Variants in ZDHHC1 observed in about 807,000 individuals in gnomAD.
ZDHHC1 encodes the protein palmitoyltransferase ZDHHC1.
ZDHHC1 carries 45 observed loss-of-function variants against 46.9 expected under a neutral mutation model. The observed-to-expected ratio is 0.96, with a 90% CI of 0.76 to 1.23. ZDHHC1 has a LOEUF of 1.23. Ranked by LOEUF, ZDHHC1 falls within the 50% of genes most tolerant of loss-of-function variation. The pLI is 0.00. For missense variants in ZDHHC1, 649 were observed against 670.8 expected (o/e 0.97, Z 0.36); for synonymous variants, 291 against 286.0 (o/e 1.02, Z -0.18).
chr16:67,412,229 G>A (rs1165879616), intron 1 of ZDHHC1, among the ~76,000 whole-genome samples: 4 of 152,044 alleles, frequency 2.6e-5, no homozygotes, highest in Non-Finnish European at 5.9e-5. Flanking sequence ...CTAGGAATGA[G>A]ACCTAGTGGT....
At position 67,406,062 on chromosome 16, in the gene ZDHHC1, C is replaced by T. The variant is rs965319839; in HGVS notation, c.252+138G>A. ...GAGACAGGCTGGGAAGCAGCAAGTC[C>T]CCAGGACTGGGCCCACCCTGCTCCA... On this transcript the variant is annotated intron_variant, in intron 3 of 11. Coordinates refer to ENST00000565726, the MANE Select transcript of ZDHHC1 (RefSeq NM_001323627.2). This position sits in a 1 kb window ranked among gnomAD's most constrained non-coding sequence, Gnocchi z 4.1. 4 of 1,334,148 alleles carry T rather than the reference C, an allele frequency of 3.0e-6. No individual in the cohort carries two copies. The highest frequency in any genetic ancestry group is 3.1e-5 in the Admixed American group (1 of 31,974). 82.6% of individuals were successfully genotyped at this position (1,334,148 alleles called of 1,614,324 possible). A position where few individuals can be genotyped will look rare whatever the true frequency, so the allele number is the denominator to read the frequency against.
chr16:67,399,604 C>T (rs1597536499), intron 4 of ZDHHC1, 148 bp from the exon 5 acceptor site: 1 of 605,082 alleles, frequency 1.7e-6, no homozygotes, highest in East Asian at 3.2e-5. Context: ...CGCGCGCGCC[C>T]TCTGCAGGCG....
intron 5 of ZDHHC1, 96 bp from the exon 6 acceptor site, chr16:67,399,040 A>G (rs549801855): frequency 1.4e-6 from 2 of 1,469,768 alleles, no homozygotes; most frequent in African/African-American, 2.8e-5. Flanking sequence ...ATGGGCTCAG[A>G]GGGCTGAGGG....
chr16:67,394,920 C>A, intron 11 of ZDHHC1, 27 bp from the exon 12 acceptor site: 1 of 1,569,126 alleles, frequency 6.4e-7, no homozygotes, highest in East Asian at 2.3e-5. Context: ...AACATGAGCC[C>A]AGTGGCTGCG....
chr16:67,411,840 C>T (rs1028932034), intron 1 of ZDHHC1, among the ~76,000 whole-genome samples: 2 of 152,174 alleles, frequency 1.3e-5, no homozygotes, highest in Admixed American at 6.5e-5. Context: ...GGGCCGGGCG[C>T]GGTGGCTCAC....
At chr16:67,397,355 C>G (rs538056669) in intron 8 of ZDHHC1, among the ~76,000 whole-genome samples, 2 of 152,350 alleles carry the variant, frequency 1.3e-5, no homozygotes, top group South Asian at 2.1e-4. Context: ...GAGCCCAGCA[C>G]TGGGGCAGGT....
rs573935339 is a variant in ZDHHC1, at chr16:67,406,278, C to A, written c.174G>T (p.Leu58=). ...PHPLQIVAWL[L]YLFFAVIGFG... ...AGCCGATCACAGCAAAGAAGAGGTA[C>A]AGCAGCCAGGCCACAATCTGGAGCG... is the stretch of plus-strand genomic sequence containing the variant. Residue 58 remains leucine (L), a synonymous_variant, in exon 3 of 12, where the codon CTG becomes CTT. Transcript: ENST00000565726. The surrounding 1 kb of genome is among the most constrained non-coding windows in gnomAD (Gnocchi z 4.1). The A allele has an allele frequency of 6.2e-7, 1 of 1,610,742 alleles. No individual in the cohort carries two copies. Among genetic ancestry groups the A allele is most frequent in the Non-Finnish European group, 8.5e-7 (1 of 1,178,784 alleles).
At chr16:67,397,577 C>G in intron 8 of ZDHHC1, among the ~76,000 whole-genome samples, 1 of 152,192 alleles carries the variant, frequency 6.6e-6, no homozygotes, top group South Asian at 2.1e-4. Flanking sequence ...AGCCTTCCCC[C>G]AGCAAAGCCT....
rs993845660 is a variant in ZDHHC1, at chr16:67,401,994, A to G, written c.253-862T>C. On this transcript the variant is annotated intron_variant, in intron 3 of 11. Transcript: ENST00000565726. This position sits in a 1 kb window ranked among gnomAD's most constrained non-coding sequence, Gnocchi z 4.6. ...ATCATCCCTCCATCATTCATGCTCT[A>G]CCCATCATCCATCTGCCATCCTTCA... 6.6e-6 allele frequency among the ~76,000 whole-genome samples: 1 copy of G among 152,046 alleles called. No homozygotes were observed. Among genetic ancestry groups the G allele is most frequent in the African/African-American group, 2.4e-5 (1 of 41,380 alleles).
chr16:67,413,209 C>G (rs574341226), intron 1 of ZDHHC1, among the ~76,000 whole-genome samples: 1 of 151,910 alleles, frequency 6.6e-6, no homozygotes, highest in Non-Finnish European at 1.5e-5. Flanking sequence ...CCTCCCAAAG[C>G]GCTGGGATTA....
chr16:67,394,797 G>GA lies in ZDHHC1; in HGVS notation c.1261_1262insT (p.Ala421ValfsTer78). The GA allele has an allele frequency of 3.3e-6, 5 of 1,536,310 alleles. No individual in the cohort carries two copies. The Admixed American group carries it at 5.9e-5, about 18-fold the overall frequency. On this transcript the variant is annotated frameshift_variant, in exon 12 of 12. Coordinates refer to ENST00000565726, the MANE Select transcript of ZDHHC1 (RefSeq NM_001323627.2). LOFTEE classifies it low-confidence loss of function (END_TRUNC). The stretch of plus-strand genomic sequence containing the variant: ...AATCTCGTCCACGGACTCTGCCGAC[G>GA]CCGAGTGGTAGGCGCCGGCAGGGCC...
chr16:67,407,592 AG>A (rs2040685079), intron 2 of ZDHHC1, among the ~76,000 whole-genome samples, 174 bp downstream of exon 2: 1 of 152,222 alleles, frequency 6.6e-6, no homozygotes, highest in African/African-American at 2.4e-5. Flanking sequence ...GCCCTGAGTC[AG>A]GGGGCCCTTA....
chr16:67,396,917 G>A (rs1361357389), intron 8 of ZDHHC1, among the ~76,000 whole-genome samples: 1 of 152,196 alleles, frequency 6.6e-6, no homozygotes, highest in Admixed American at 6.5e-5. Flanking sequence ...AAGGCGCCAG[G>A]CCCTAGCCAG....
At chr16:67,398,419 T>G in intron 7 of ZDHHC1, 95 bp from the exon 8 acceptor site, 1 of 1,521,484 alleles carries the variant, frequency 6.6e-7, no homozygotes, top group Non-Finnish European at 8.9e-7. Flanking sequence ...GAAACCAGTG[T>G]CCCCAAATAC....
At chr16:67,410,644 A>AATTATTATTATTATT (rs58905759) in intron 1 of ZDHHC1, among the ~76,000 whole-genome samples, 1 of 147,676 alleles carries the variant, frequency 6.8e-6, no homozygotes, top group South Asian at 2.1e-4. Flanking sequence ...TACCTTAATT[A>AATTATTATTATTATT]ATTATTATTA....
At position 67,394,443 on chromosome 16, in the gene ZDHHC1, T is replaced by G; in HGVS notation, c.*167A>C. On this transcript the variant is annotated 3_prime_UTR_variant, in exon 12 of 12. Coordinates refer to ENST00000565726, the MANE Select transcript of ZDHHC1 (RefSeq NM_001323627.2). The stretch of plus-strand genomic sequence containing the variant: ...GTCCGCAAAAGCATAAAAAAGTTTA[T>G]TGGAGCATCACAGCCGGTGGGGCGG... The G allele has an allele frequency of 2.1e-6, 1 of 475,566 alleles. No individual in the cohort carries two copies. Among genetic ancestry groups the G allele is most frequent in the East Asian group, 7.6e-5 (1 of 13,088 alleles). The allele number at this position is 475,566 out of a possible 1,614,324, so 29.5% of individuals were successfully genotyped here.
chr16:67,408,332 CTTTAT>C (rs747043496), intron 1 of ZDHHC1, among the ~76,000 whole-genome samples: 20 of 150,792 alleles, frequency 1.3e-4, no homozygotes, highest in African/African-American at 2.4e-4. Flanking sequence ...CACCTGGCTA[CTTTAT>C]TTTATTTTTT....
intron 1 of ZDHHC1, among the ~76,000 whole-genome samples, chr16:67,413,612 G>A (rs1249817665): frequency 1.3e-5 from 2 of 152,070 alleles, no homozygotes; most frequent in African/African-American, 2.4e-5. Context: ...GATGTGGCTG[G>A]GCCCTTGCTT....
In ZDHHC1 at chr16:67,406,999, G is replaced by A. The variant is rs941260147; in HGVS notation, c.10-557C>T. 1.3e-5 allele frequency among the ~76,000 whole-genome samples: 2 copies of A among 152,226 alleles called. No homozygotes were observed. Among genetic ancestry groups the A allele is most frequent in the African/African-American group, 2.4e-5 (1 of 41,462 alleles). Reference sequence around the variant, plus strand: ...GGAGTCTGAAGCTCTGCCCCATGCTGCCTGAGGGTTCTCAGCTGGGGAGGG... The same window carrying A: ...GGAGTCTGAAGCTCTGCCCCATGCTACCTGAGGGTTCTCAGCTGGGGAGGG... On this transcript the variant is annotated intron_variant, in intron 2 of 11. Coordinates refer to ENST00000565726, the MANE Select transcript of ZDHHC1 (RefSeq NM_001323627.2). The surrounding 1 kb of genome is among the most constrained non-coding windows in gnomAD (Gnocchi z 4.1).
Sources: gnomAD v4.1 joint callset for allele counts (sites outside exome capture counted in the v4.1 genomes callset) on GRCh38, gnomAD v4.1.1 for gene constraint, Gnocchi (gnomAD v3.1) non-coding constraint, MANE v1.5 for transcripts, NCBI Gene and HGNC (gene_info 2026-07-23, HGNC 2026-07-21) for gene names.